Variants in CNTN4 observed in about 807,000 individuals in gnomAD.
CNTN4 encodes contactin-4.
In CNTN4, 77 loss-of-function variants were observed where a neutral mutation model predicts 122.5. The ratio of observed to expected loss-of-function variants is 0.63; its 90% CI spans 0.52 to 0.76. CNTN4 has a LOEUF of 0.76. Ranked by LOEUF, CNTN4 falls within the 30% of genes least tolerant of loss-of-function variation. The probability of loss-of-function intolerance (pLI) is 0.00; values close to 1 mark genes in which losing one functional copy is unlikely to be tolerated. For missense variants in CNTN4, 1,256 were observed against 1,259.1 expected (o/e 1.00, Z 0.04); for synonymous variants, 512 against 447.0 (o/e 1.15, Z -1.83).
At chr3:2,131,582 T>C (rs918647271) in intron 2 of CNTN4, among the ~76,000 whole-genome samples, 1 of 152,182 alleles carries the variant, frequency 6.6e-6, no homozygotes, top group African/African-American at 2.4e-5. Flanking sequence ...GATGGAGCAG[T>C]GTTCCTAAAG....
intron 12 of CNTN4, among the ~76,000 whole-genome samples, chr3:2,909,116 C>A (rs1257913135): frequency 6.6e-6 from 1 of 152,212 alleles, no homozygotes; most frequent in Non-Finnish European, 1.5e-5. Context: ...GATTTCTCAA[C>A]TGCCTCGTTG....
At chr3:3,031,038 A>C in intron 16 of CNTN4, 63 bp downstream of exon 16, 1 of 1,605,254 alleles carries the variant, frequency 6.2e-7, no homozygotes, top group East Asian at 2.2e-5. Flanking sequence ...TGTAGCGCAG[A>C]GTTCCAGAAA....
At position 2,287,691 on chromosome 3, in the gene CNTN4, GAGGAAGAAGAAGAA is replaced by G. The variant is rs1559415737; in HGVS notation, c.-144-51486_-144-51473del. Among the ~76,000 whole-genome samples, 23 of 92,076 alleles carry G rather than the reference GAGGAAGAAGAAGAA, an allele frequency of 2.5e-4. 1 individual carries two copies. The highest frequency in any genetic ancestry group is 5.6e-3 in the Middle Eastern group (1 of 180). 60.4% of individuals were successfully genotyped at this position (92,076 alleles called of 152,430 possible). A position where few individuals can be genotyped will look rare whatever the true frequency, so the allele number is the denominator to read the frequency against. On this transcript the variant is annotated intron_variant, in intron 2 of 24. Coordinates refer to ENST00000418658, the MANE Select transcript of CNTN4 (RefSeq NM_175607.3). ...AGAAGAAGAAGAAGAAGAAGAAGAAGAGGAAGAAGAAGAAGAAGAGGAAGAAGAAGAAGAAGAAG... is the reference window on the plus strand; with the variant it reads ...AGAAGAAGAAGAAGAAGAAGAAGAAGGAAGAGGAAGAAGAAGAAGAAGAAG...
chr3:2,259,002 A>G (rs2040714115), intron 2 of CNTN4, among the ~76,000 whole-genome samples: 1 of 152,012 alleles, frequency 6.6e-6, no homozygotes, highest in Non-Finnish European at 1.5e-5. Context: ...CATAAGTGCT[A>G]TTCTGTAGGT....
chr3:2,680,712 AT>A, intron 4 of CNTN4, among the ~76,000 whole-genome samples: 1 of 152,324 alleles, frequency 6.6e-6, no homozygotes, highest in Middle Eastern at 3.4e-3. Flanking sequence ...TTTTTGAAGA[AT>A]CATGACATGG....
intron 4 of CNTN4, among the ~76,000 whole-genome samples, chr3:2,631,301 C>T (rs1476782291): frequency 1.3e-5 from 2 of 152,106 alleles, no homozygotes; most frequent in Non-Finnish European, 2.9e-5. Context: ...ATGTAATAGC[C>T]ATATGCAGTT....
chr3:2,201,610 C>T (rs1283216133), intron 2 of CNTN4, among the ~76,000 whole-genome samples: 3 of 152,102 alleles, frequency 2.0e-5, no homozygotes, highest in Non-Finnish European at 4.4e-5. Flanking sequence ...TTCAGAAGAG[C>T]TGCTTACTTA....
intron 3 of CNTN4, among the ~76,000 whole-genome samples, chr3:2,542,471 A>G (rs2078071091): frequency 6.6e-6 from 1 of 152,142 alleles, no homozygotes; most frequent in Non-Finnish European, 1.5e-5. Context: ...CAAAGAATAT[A>G]CACAAGAAAT....
At chr3:2,762,402 C>G (rs2090631641) in intron 6 of CNTN4, among the ~76,000 whole-genome samples, 1 of 152,126 alleles carries the variant, frequency 6.6e-6, no homozygotes, top group African/African-American at 2.4e-5. Context: ...ATCTGTTGTT[C>G]CCTTCTATGT....
At chr3:2,322,948 T>A (rs1433904213) in intron 2 of CNTN4, among the ~76,000 whole-genome samples, 1 of 152,130 alleles carries the variant, frequency 6.6e-6, no homozygotes, top group Non-Finnish European at 1.5e-5. Flanking sequence ...ATTGATGGAA[T>A]ACTGGAGGAT....
intron 3 of CNTN4, among the ~76,000 whole-genome samples, chr3:2,539,817 T>G (rs925647017): frequency 6.6e-6 from 1 of 152,110 alleles, no homozygotes; most frequent in Non-Finnish European, 1.5e-5. Flanking sequence ...TTTTTTTCCC[T>G]TATGATAACT....
At chr3:2,848,464 T>A (rs572862501) in intron 7 of CNTN4, among the ~76,000 whole-genome samples, 1 of 152,368 alleles carries the variant, frequency 6.6e-6, no homozygotes, top group South Asian at 2.1e-4. Context: ...TCCCACTGGA[T>A]GCTTGTTAAG....
rs79193563 is a variant in CNTN4, at chr3:2,784,812, A to G, written c.359-34674A>G. Among the ~76,000 whole-genome samples, 9 of 152,146 alleles carry G rather than the reference A, an allele frequency of 5.9e-5. No homozygotes were observed. In the South Asian group the frequency reaches 1.9e-3, roughly 32 times the overall value. On this transcript the variant is annotated intron_variant, in intron 6 of 24. Coordinates refer to ENST00000418658, the MANE Select transcript of CNTN4 (RefSeq NM_175607.3). ...GAGATAATATGACTCACCTGACCAGATGGTTTTAAGAATTCAATACCATGG... is the reference window on the plus strand; with the variant it reads ...GAGATAATATGACTCACCTGACCAGGTGGTTTTAAGAATTCAATACCATGG...
chr3:2,901,702 A>G (rs563686915), intron 11 of CNTN4, among the ~76,000 whole-genome samples: 6 of 152,306 alleles, frequency 3.9e-5, no homozygotes, highest in Non-Finnish European at 7.4e-5. Flanking sequence ...ATTGCCAGGA[A>G]ATAAGGCTTT....
At chr3:2,643,321 C>A (rs1011543349) in intron 4 of CNTN4, among the ~76,000 whole-genome samples, 9 of 152,174 alleles carry the variant, frequency 5.9e-5, no homozygotes, top group African/African-American at 1.9e-4. Context: ...CTACAGGTCC[C>A]CACCACCACA....
intron 3 of CNTN4, among the ~76,000 whole-genome samples, chr3:2,434,119 A>G (rs1191071524): frequency 2.0e-5 from 3 of 152,196 alleles, no homozygotes; most frequent in Non-Finnish European, 4.4e-5. Context: ...ATAATAATGC[A>G]TTACATACTT....
chr3:2,178,038 C>A (rs996571852), intron 2 of CNTN4, among the ~76,000 whole-genome samples: 80 of 152,156 alleles, frequency 5.3e-4, no homozygotes, highest in African/African-American at 1.7e-3. Flanking sequence ...CTCTTATTTT[C>A]AAAGTCATTA....
intron 6 of CNTN4, among the ~76,000 whole-genome samples, chr3:2,755,777 A>T (rs1576672075): frequency 6.6e-6 from 1 of 152,218 alleles, no homozygotes; most frequent in Non-Finnish European, 1.5e-5. Context: ...TATGATATAT[A>T]TATGAAAATT....
At chr3:2,162,745 A>T (rs192431088) in intron 2 of CNTN4, among the ~76,000 whole-genome samples, 1 of 152,310 alleles carries the variant, frequency 6.6e-6, no homozygotes, top group East Asian at 1.9e-4. Context: ...AACAATAATG[A>T]TATGGAAGTT....
Sources: gnomAD v4.1 joint callset for allele counts (sites outside exome capture counted in the v4.1 genomes callset) on GRCh38, gnomAD v4.1.1 for gene constraint, MANE v1.5 for transcripts, NCBI Gene and HGNC (gene_info 2026-07-23, HGNC 2026-07-21) for gene names.